UFD1: variants seen among roughly 807,000 people sequenced by gnomAD.
UFD1 encodes the protein ubiquitin recognition factor in ER associated degradation 1, also known as ubiquitin recognition factor in ER-associated degradation protein 1.
Under a neutral mutation model 45.9 loss-of-function variants are expected in UFD1, and 13 were observed. That is an observed-to-expected ratio of 0.28 (90% CI 0.18 to 0.45). The LOEUF (loss-of-function observed/expected upper bound fraction) is 0.45. Among genes scored for constraint, UFD1 ranks in the 20% least tolerant of loss-of-function variants. The probability of loss-of-function intolerance (pLI) is 1.00; values close to 1 mark genes in which losing one functional copy is unlikely to be tolerated. For synonymous variants in UFD1, 128 were observed against 139.2 expected (o/e 0.92, Z 0.56); for missense variants, 218 against 389.2 (o/e 0.56, Z 3.70).
chr22:19,475,328 C>A, intron 2 of UFD1, 142 bp downstream of exon 2: 1 of 1,335,552 alleles, frequency 7.5e-7, no homozygotes, highest in Non-Finnish European at 1.0e-6. Context: ...CCCAACAGAG[C>A]AAGTCAGGGA....
chr22:19,458,146 G>A lies in UFD1; in HGVS notation c.496-7C>T, dbSNP rs745704660. 6.2e-7 allele frequency: 1 copy of A among 1,613,926 alleles called. No homozygotes were observed. Among genetic ancestry groups the A allele is most frequent in the Non-Finnish European group, 8.5e-7 (1 of 1,179,894 alleles). On this transcript the variant is annotated splice_polypyrimidine_tract_variant and splice_region_variant and intron_variant, in intron 6 of 11. Transcript: ENST00000263202. ...TCACACGCAGTTCGTAGATCTGTGG[G>A]GCAAACACAGAAATCAGTTGGATGG...
At chr22:19,452,876 A>AGGG in intron 11 of UFD1, 1 of 196,298 alleles carries the variant, frequency 5.1e-6, no homozygotes, top group Non-Finnish European at 9.2e-6. Context: ...TAGAAGCTTT[A>AGGG]GGATCTTTCT....
intron 11 of UFD1, chr22:19,451,985 ACCT>A (rs1005750858): frequency 9.3e-6 from 9 of 969,670 alleles, no homozygotes; most frequent in South Asian, 4.8e-5. Context: ...AGTGAGGAAC[ACCT>A]CCTAGGAGCT....
At chr22:19,456,247 A>T (rs551725252) in intron 9 of UFD1, among the ~76,000 whole-genome samples, 1 of 152,326 alleles carries the variant, frequency 6.6e-6, no homozygotes, top group Admixed American at 6.5e-5. Context: ...CAGGCAAAGA[A>T]AAAAGGAAAC....
chr22:19,459,754 T>TC (rs1180764567), intron 6 of UFD1, among the ~76,000 whole-genome samples: 2 of 148,948 alleles, frequency 1.3e-5, no homozygotes, highest in East Asian at 3.9e-4. Flanking sequence ...TTTTTTTTTT[T>TC]TCGAGATGGA....
intron 6 of UFD1, among the ~76,000 whole-genome samples, chr22:19,463,380 TGCTC>T (rs2089780472): frequency 6.6e-6 from 1 of 152,260 alleles, no homozygotes; most frequent in African/African-American, 2.4e-5. Context: ...AGCCTTTTGT[TGCTC>T]GCTATTATAA....
intron 5 of UFD1, chr22:19,466,015 T>C (rs1036901696): frequency 6.6e-6 from 1 of 152,254 alleles, no homozygotes; most frequent in Non-Finnish European, 1.5e-5. Flanking sequence ...TGAAGGACTT[T>C]ACATAAAAAG....
intron 4 of UFD1, among the ~76,000 whole-genome samples, chr22:19,470,955 G>A (rs148341337): frequency 2.6e-4 from 39 of 152,326 alleles, no homozygotes; most frequent in African/African-American, 9.1e-4. Flanking sequence ...AGCACAAAGA[G>A]AAGGACAAGC....
chr22:19,456,031 G>A (rs12484607), intron 9 of UFD1, among the ~76,000 whole-genome samples: 56,088 of 152,046 alleles, frequency 0.37, 12,687 homozygotes, highest in Non-Finnish European at 0.5. Flanking sequence ...CCCTGCCTCT[G>A]CAGGGCCACC....
In UFD1 at chr22:19,471,744, C is replaced by A; in HGVS notation, c.234G>T (p.Thr78=). 2 of 1,614,082 alleles carry A rather than the reference C, an allele frequency of 1.2e-6. No homozygotes were observed. The highest frequency in any genetic ancestry group is 1.7e-5 in the Admixed American group (1 of 60,026). ...CCACAAACTCCAGCACGCCACAATG[C>A]GTCATGCGGTCCGAATTCTTATTGG... ...KLTNKNSDRM[T]HCGVLEFVAD... The change falls in exon 4 of 12, where the codon ACG becomes ACT. Residue 78 remains threonine (T), a synonymous_variant. Transcript: ENST00000263202.
At chr22:19,476,579 C>G (rs1031396588) in intron 1 of UFD1, among the ~76,000 whole-genome samples, 1 of 109,742 alleles carries the variant, frequency 9.1e-6, no homozygotes, top group African/African-American at 3.5e-5. Context: ...TCCCACCCCC[C>G]ACCCCCATAT....
intron 3 of UFD1, among the ~76,000 whole-genome samples, chr22:19,473,586 G>A (rs2089861074): frequency 6.6e-6 from 1 of 152,186 alleles, no homozygotes; most frequent in Admixed American, 6.5e-5. Flanking sequence ...GTCTTCGTGA[G>A]AACTGTGAAC....
At chr22:19,450,866 T>C (rs1433948966) in intron 11 of UFD1, 122 bp from the exon 12 acceptor site, 3 of 1,552,822 alleles carry the variant, frequency 1.9e-6, no homozygotes, top group Non-Finnish European at 2.6e-6. Context: ...CTGGACACGA[T>C]AGCTGACACC....
chr22:19,460,954 C>G (rs1424192491), intron 6 of UFD1, among the ~76,000 whole-genome samples: 1 of 152,104 alleles, frequency 6.6e-6, no homozygotes, highest in East Asian at 1.9e-4. Context: ...CAGGATCACA[C>G]TATGTTACCC....
In UFD1 at chr22:19,455,703, T is replaced by G; in HGVS notation, c.744A>C (p.Pro248=). 6.2e-7 allele frequency: 1 copy of G among 1,614,016 alleles called. No homozygotes were observed. The highest frequency in any genetic ancestry group is 8.5e-7 in the Non-Finnish European group (1 of 1,179,918). ...KKKGVEPSPS[P]IKPGDIKRGI... ...ACCTTTTAATATCTCCAGGCTTGAT[T>G]GGGGAGGGGCTGGGCTCTACCCCTT... The change falls in exon 10 of 12, where the codon CCA becomes CCC. Residue 248 remains proline (P), a synonymous_variant. Coordinates refer to ENST00000263202, the MANE Select transcript of UFD1 (RefSeq NM_005659.7).
intron 4 of UFD1, chr22:19,471,240 C>G: frequency 1.9e-6 from 1 of 515,452 alleles, no homozygotes; most frequent in South Asian, 1.4e-5. Context: ...AAAGACGTCA[C>G]TCCCATGGCA....
In UFD1 at chr22:19,450,624, T is replaced by G. The variant is rs773086167; in HGVS notation, c.*46A>C. ...TGCCAGTAACTAAAAGCCAAGATGT[T>G]GCAAATGATTCTTTTATTATTTTCC... On this transcript the variant is annotated 3_prime_UTR_variant, in exon 12 of 12. Coordinates refer to ENST00000263202, the MANE Select transcript of UFD1 (RefSeq NM_005659.7). 48 of 1,612,390 alleles carry G rather than the reference T, an allele frequency of 3.0e-5. No individual in the cohort carries two copies. Among genetic ancestry groups the G allele is most frequent in the Non-Finnish European group, 4.0e-5 (47 of 1,179,052 alleles).
At chr22:19,452,823 CTGA>C (rs1475345725) in intron 11 of UFD1, 5 of 156,462 alleles carry the variant, frequency 3.2e-5, no homozygotes, top group African/African-American at 9.6e-5. Context: ...TGGCGCTTGG[CTGA>C]TGATGTCCTT....
chr22:19,466,163 G>A (rs377181238), intron 5 of UFD1: 2 of 152,254 alleles, frequency 1.3e-5, no homozygotes, highest in Non-Finnish European at 2.9e-5. Context: ...GCCTTATGTG[G>A]TGGATGCTTT....
Sources: allele counts gnomAD v4.1 joint callset (sites outside exome capture counted in the v4.1 genomes callset), GRCh38; gene constraint gnomAD v4.1.1; transcripts MANE v1.5; gene names NCBI Gene and HGNC (gene_info 2026-07-23, HGNC 2026-07-21).